The following ADCY8 variants were observed in gnomAD, a reference collection of about 807,000 sequenced individuals.
ADCY8 encodes the protein adenylate cyclase type 8.
ADCY8 carries 51 observed loss-of-function variants against 119.7 expected under a neutral mutation model. That is an observed-to-expected ratio of 0.43 (90% CI 0.34 to 0.54). ADCY8 has a LOEUF of 0.54. ADCY8 is among the 20% of genes least tolerant of loss of function. The pLI is 0.03. For synonymous variants in ADCY8, 665 were observed against 651.0 expected, an observed-to-expected ratio of 1.02 and a Z score of -0.33; for missense variants, 1,383 against 1,598.8, an observed-to-expected ratio of 0.87 and a Z score of 2.30.
rs185035540 is a variant in ADCY8 at position 130,949,035 on chromosome 8, G to A, written c.1241+2833C>T. Among the ~76,000 whole-genome samples, 35 of 152,182 alleles carry A rather than the reference G, an allele frequency of 2.3e-4. No homozygotes were observed. In the East Asian group the frequency reaches 6.4e-3, roughly 28 times the overall value. ...CATCAATTCTCCTCCCCCTAGTAACGGCTCTGAAAACGCGGAGACACGGAG... is the reference window on the plus strand; with the variant it reads ...CATCAATTCTCCTCCCCCTAGTAACAGCTCTGAAAACGCGGAGACACGGAG... On this transcript the variant is annotated intron_variant, in intron 3 of 17. Transcript: ENST00000286355.
chr8:130,834,092 T>C (rs1399143560), intron 12 of ADCY8, among the ~76,000 whole-genome samples: 1 of 152,218 alleles, frequency 6.6e-6, no homozygotes, highest in East Asian at 1.9e-4. Context: ...AATGCATATG[T>C]TAATTAGCTT....
chr8:131,011,934 G>C (rs933860607), intron 1 of ADCY8, among the ~76,000 whole-genome samples: 4 of 152,092 alleles, frequency 2.6e-5, no homozygotes, highest in African/African-American at 7.2e-5. Flanking sequence ...TAAATCAAAG[G>C]CCTCTAAATG....
chr8:131,004,598 G>A (rs548570806), intron 1 of ADCY8, among the ~76,000 whole-genome samples: 9 of 152,286 alleles, frequency 5.9e-5, no homozygotes, highest in Admixed American at 2.0e-4. Flanking sequence ...CACAGTGCTC[G>A]CATTTATTCA....
At chr8:131,009,046 C>T (rs115664940) in intron 1 of ADCY8, among the ~76,000 whole-genome samples, 328 of 152,252 alleles carry the variant, frequency 2.2e-3, no homozygotes, top group African/African-American at 6.6e-3. Context: ...AAATTTGCAA[C>T]GTGACAATGC....
chr8:130,900,333 A>C (rs1027287022), intron 7 of ADCY8, among the ~76,000 whole-genome samples: 1 of 152,176 alleles, frequency 6.6e-6, no homozygotes, highest in Non-Finnish European at 1.5e-5. Flanking sequence ...GATAATTATT[A>C]GTGATTTTCA....
At position 130,874,722 on chromosome 8, in the gene ADCY8, C is replaced by T. The variant is rs183938134; in HGVS notation, c.2110-6776G>A. On this transcript the variant is annotated intron_variant, in intron 8 of 17. Coordinates refer to ENST00000286355, the MANE Select transcript of ADCY8 (RefSeq NM_001115.3). ...CTAATGTTATGTCCTTCCTTGATAG[C>T]GGGGTTAGACTGGGCACATGAGAAT... 1.6e-4 allele frequency among the ~76,000 whole-genome samples: 25 copies of T among 152,182 alleles called. No homozygotes were observed. In the East Asian group the frequency reaches 4.3e-3, roughly 26 times the overall value.
At chr8:130,790,420 A>C (rs1168093672) in intron 15 of ADCY8, among the ~76,000 whole-genome samples, 1 of 152,172 alleles carries the variant, frequency 6.6e-6, no homozygotes, top group Non-Finnish European at 1.5e-5. Flanking sequence ...ACACAATCCC[A>C]TTATAAAGTA....
chr8:130,910,617 G>A (rs1017776176), intron 5 of ADCY8, among the ~76,000 whole-genome samples: 49 of 152,330 alleles, frequency 3.2e-4, no homozygotes, highest in Admixed American at 7.2e-4. Flanking sequence ...TGGGTCATCC[G>A]TTGAGATGCA....
At chr8:130,953,723 A>G (rs1417829240) in intron 2 of ADCY8, among the ~76,000 whole-genome samples, 1 of 152,190 alleles carries the variant, frequency 6.6e-6, no homozygotes, top group Non-Finnish European at 1.5e-5. Context: ...TGAGAATTCA[A>G]TGCAATAAAA....
At chr8:130,889,123 A>T (rs1819094401) in intron 7 of ADCY8, among the ~76,000 whole-genome samples, 1 of 152,132 alleles carries the variant, frequency 6.6e-6, no homozygotes, top group East Asian at 1.9e-4. Context: ...TTTCTCAAAA[A>T]TGTGTTTCAA....
rs142581731 is a variant in ADCY8 at position 130,890,316 on chromosome 8, G to A, written c.1912-5555C>T. 6.8e-3 allele frequency among the ~76,000 whole-genome samples: 1,031 copies of A among 152,102 alleles called. 8 individuals are homozygous for A. The highest frequency in any genetic ancestry group is 0.024 in the African/African-American group (988 of 41,520). ...GTATACATATGTAACTAACCTGCAC[G>A]TTGTGCACATGTACCCTAAAACTTA... is the stretch of plus-strand genomic sequence containing the variant. On this transcript the variant is annotated intron_variant, in intron 7 of 17. Coordinates refer to ENST00000286355, the MANE Select transcript of ADCY8 (RefSeq NM_001115.3).
chr8:130,957,257 A>G (rs1821457532), intron 2 of ADCY8, among the ~76,000 whole-genome samples: 1 of 152,176 alleles, frequency 6.6e-6, no homozygotes, highest in South Asian at 2.1e-4. Flanking sequence ...ACTGGAGCAA[A>G]GGTGACTCTT....
chr8:130,889,767 C>T (rs947636493), intron 7 of ADCY8, among the ~76,000 whole-genome samples: 8 of 152,156 alleles, frequency 5.3e-5, no homozygotes, highest in Admixed American at 3.9e-4. Flanking sequence ...AGACCCAGTG[C>T]ACGTGGCATC....
rs544402373 is a variant in ADCY8 at position 130,843,400 on chromosome 8, A to G, written c.2502+4024T>C. On this transcript the variant is annotated intron_variant, in intron 11 of 17. Transcript: ENST00000286355. ...GGTTTTTCTCTCTATGCAACTCTCC[A>G]GAGTAGTATGTTCTGCAGACTGTAG... Among the ~76,000 whole-genome samples the G allele has an allele frequency of 2.0e-5, 3 of 152,230 alleles. No homozygotes were observed. In the East Asian group the frequency reaches 5.8e-4, roughly 29 times the overall value.
At chr8:130,822,869 A>G (rs550215326) in intron 12 of ADCY8, among the ~76,000 whole-genome samples, 170 of 152,308 alleles carry the variant, frequency 1.1e-3, no homozygotes, top group Middle Eastern at 3.4e-3. Flanking sequence ...AATTGTGAGG[A>G]TTAAATGAGT....
At chr8:130,839,059 A>G (rs1449095714) in intron 11 of ADCY8, among the ~76,000 whole-genome samples, 1 of 139,580 alleles carries the variant, frequency 7.2e-6, no homozygotes, top group Non-Finnish European at 1.6e-5. Context: ...CATGAATGCA[A>G]AAGTGTAAAG....
chr8:130,936,308 C>T (rs2130622469), intron 5 of ADCY8, among the ~76,000 whole-genome samples: 1 of 152,220 alleles, frequency 6.6e-6, no homozygotes, highest in East Asian at 1.9e-4. Context: ...ATCTGTTTGT[C>T]AGATATGCTG....
chr8:130,866,568 C>A (rs1329920093), intron 9 of ADCY8, among the ~76,000 whole-genome samples: 2 of 152,172 alleles, frequency 1.3e-5, no homozygotes, highest in Non-Finnish European at 2.9e-5. Context: ...TATGGCCTTG[C>A]CAGAGCAGTT....
At chr8:131,010,516 GAGAA>G (rs1430806489) in intron 1 of ADCY8, among the ~76,000 whole-genome samples, 2 of 151,906 alleles carry the variant, frequency 1.3e-5, no homozygotes, top group Admixed American at 1.3e-4. Context: ...GGGAGAGAAA[GAGAA>G]AGAGAGAAAA....
Sources: gnomAD v4.1 joint callset for allele counts (sites outside exome capture counted in the v4.1 genomes callset) on GRCh38, gnomAD v4.1.1 for gene constraint, MANE v1.5 for transcripts, NCBI Gene and HGNC (gene_info 2026-07-23, HGNC 2026-07-21) for gene names.